Variants in TRAF3IP1 observed in about 807,000 individuals in gnomAD.
The protein encoded by TRAF3IP1 is intraflagellar transport 54.
Under a neutral mutation model 89.9 loss-of-function variants are expected in TRAF3IP1, and 53 were observed. That is an observed-to-expected ratio of 0.59 (90% CI 0.47 to 0.74). TRAF3IP1 has a LOEUF of 0.74. TRAF3IP1 is among the 30% of genes least tolerant of loss of function. The pLI is 0.00. For missense variants in TRAF3IP1, 806 were observed against 866.1 expected (o/e 0.93, Z 0.87); for synonymous variants, 311 against 322.1 (o/e 0.97, Z 0.37).
At position 238,320,566 on chromosome 2, in the gene TRAF3IP1, G is replaced by GCGGCGGCGGCGGGGC. The variant is rs1452916838; in HGVS notation, c.-86_-72dup. On this transcript the variant is annotated 5_prime_UTR_variant, in exon 1 of 17. Coordinates refer to ENST00000373327, the MANE Select transcript of TRAF3IP1 (RefSeq NM_015650.4). ...CGGCGCGTCCTGGCAGGACCGGGCG[G>GCGGCGGCGGCGGGGC]CGGCGGCGGCGGGGCCGGCGGCGGC... 6 of 1,042,284 alleles carry GCGGCGGCGGCGGGGC rather than the reference G, an allele frequency of 5.8e-6. No individual in the cohort carries two copies. Among genetic ancestry groups the GCGGCGGCGGCGGGGC allele is most frequent in the East Asian group, 1.7e-4 (2 of 11,438 alleles). The allele number at this position is 1,042,284 out of a possible 1,614,324, so 64.6% of individuals were successfully genotyped here.
intron 9 of TRAF3IP1, among the ~76,000 whole-genome samples, chr2:238,344,903 G>C (rs532112064): frequency 1.3e-5 from 2 of 152,266 alleles, no homozygotes; most frequent in South Asian, 2.1e-4. Flanking sequence ...TACTTGGAGA[G>C]CCCCACCAGT....
chr2:238,331,579 G>A (rs1204533653), intron 5 of TRAF3IP1, among the ~76,000 whole-genome samples: 4 of 152,200 alleles, frequency 2.6e-5, no homozygotes, highest in Admixed American at 6.5e-5. Context: ...TGAGACCATG[G>A]CGAAGTGATT....
rs1236177357 is a variant in TRAF3IP1 at position 238,344,346 on chromosome 2, T to TA, written c.1160-147dup. ...AGGAACATTCTAGATGCATGTTTTC[T>TA]AAAAGCTGCCTTTGGTCAGTCCTTT... On this transcript the variant is annotated intron_variant, in intron 8 of 16. Coordinates refer to ENST00000373327, the MANE Select transcript of TRAF3IP1 (RefSeq NM_015650.4). 4 of 648,900 alleles carry TA rather than the reference T, an allele frequency of 6.2e-6. No homozygotes were observed. The East Asian group carries it at 1.1e-4, about 18-fold the overall frequency. The allele number at this position is 648,900 out of a possible 1,614,324, so 40.2% of individuals were successfully genotyped here. A position where few individuals can be genotyped will look rare whatever the true frequency, so the allele number is the denominator to read the frequency against.
intron 2 of TRAF3IP1, 57 bp from the exon 3 acceptor site, chr2:238,325,752 A>G (rs1697794212): frequency 1.3e-6 from 2 of 1,517,658 alleles, no homozygotes; most frequent in Admixed American, 3.6e-5. Flanking sequence ...CATACAGAAG[A>G]TAATGCACAC....
chr2:238,335,837 G>C (rs572962042), intron 7 of TRAF3IP1, among the ~76,000 whole-genome samples: 1 of 151,158 alleles, frequency 6.6e-6, no homozygotes, highest in Non-Finnish European at 1.5e-5. Context: ...GTCTCACTCT[G>C]TTGCCAGACT....
At chr2:238,332,127 A>G (rs905288947) in intron 5 of TRAF3IP1, among the ~76,000 whole-genome samples, 2 of 152,196 alleles carry the variant, frequency 1.3e-5, no homozygotes, top group African/African-American at 4.8e-5. Flanking sequence ...TACTGCTGAT[A>G]CAATCTGATA....
chr2:238,381,673 C>T (rs902667369), intron 15 of TRAF3IP1, among the ~76,000 whole-genome samples: 1 of 152,110 alleles, frequency 6.6e-6, no homozygotes, highest in Non-Finnish European at 1.5e-5. Flanking sequence ...ATGGGATCCT[C>T]GAAAATGGGT....
At chr2:238,324,780 T>G (rs745912808) in intron 1 of TRAF3IP1, among the ~76,000 whole-genome samples, 3 of 151,794 alleles carry the variant, frequency 2.0e-5, no homozygotes, top group African/African-American at 7.3e-5. Context: ...ATTTTTGTAT[T>G]TTTAGTGGAG....
intron 14 of TRAF3IP1, among the ~76,000 whole-genome samples, chr2:238,354,173 A>T (rs974916934): frequency 6.6e-6 from 1 of 152,112 alleles, no homozygotes; most frequent in Non-Finnish European, 1.5e-5. Context: ...AGGGGAGCCT[A>T]TTGGAGTTAT....
chr2:238,345,445 G>C lies in TRAF3IP1; in HGVS notation c.1261+847G>C, dbSNP rs191655368. Among the ~76,000 whole-genome samples the C allele has an allele frequency of 3.9e-3, 597 of 152,338 alleles. 3 individuals carry two copies. The highest frequency in any genetic ancestry group is 0.013 in the African/African-American group (550 of 41,584). ...TAAACCAAGATCCCGGCTGGGATGC[G>C]ACTGCAGCAGGGCTGGCTCAGCCCA... is the stretch of plus-strand genomic sequence containing the variant. On this transcript the variant is annotated intron_variant, in intron 9 of 16. Coordinates refer to ENST00000373327, the MANE Select transcript of TRAF3IP1 (RefSeq NM_015650.4). This position sits in a 1 kb window ranked among gnomAD's most constrained non-coding sequence, Gnocchi z 4.7.
chr2:238,369,363 G>A (rs774262214), intron 15 of TRAF3IP1, among the ~76,000 whole-genome samples: 4 of 152,180 alleles, frequency 2.6e-5, no homozygotes, highest in Non-Finnish European at 5.9e-5. Context: ...AAAGTGGAGC[G>A]CGTTCCACTG....
chr2:238,357,265 C>T (rs1461179652), intron 15 of TRAF3IP1, among the ~76,000 whole-genome samples: 1 of 152,182 alleles, frequency 6.6e-6, no homozygotes, highest in Admixed American at 6.5e-5. Context: ...TCAAATGCCA[C>T]AGCCAGGTTT....
chr2:238,322,983 G>C (rs1697633196), intron 1 of TRAF3IP1, among the ~76,000 whole-genome samples: 1 of 152,016 alleles, frequency 6.6e-6, no homozygotes, highest in Admixed American at 6.6e-5. Context: ...TGCTATATTA[G>C]TATTTTAGCT....
At chr2:238,371,690 A>G (rs1307114775) in intron 15 of TRAF3IP1, among the ~76,000 whole-genome samples, 1 of 152,280 alleles carries the variant, frequency 6.6e-6, no homozygotes, top group East Asian at 1.9e-4. Flanking sequence ...TATCCTAAGT[A>G]TAAAACACAC....
chr2:238,330,273 A>G (rs573808122), intron 5 of TRAF3IP1, among the ~76,000 whole-genome samples: 2 of 152,310 alleles, frequency 1.3e-5, no homozygotes, highest in East Asian at 3.9e-4. Context: ...GTTTACTGTA[A>G]TTATTGTTTA....
chr2:238,354,714 G>A (rs769416691), intron 14 of TRAF3IP1, among the ~76,000 whole-genome samples: 12 of 151,984 alleles, frequency 7.9e-5, no homozygotes, highest in Non-Finnish European at 1.6e-4. Context: ...GCAGTGGCGC[G>A]ATCTTGGCTC....
rs539437262 is a variant in TRAF3IP1, at chr2:238,349,160, C to T, written c.1368-165C>T. 4.6e-5 allele frequency among the ~76,000 whole-genome samples: 7 copies of T among 152,260 alleles called. No individual in the cohort carries two copies. In the South Asian group the frequency reaches 1.0e-3, roughly 23 times the overall value. ...GAAAGATGGACACTTTCTGATTGGT[C>T]GGGTTACTGGGACGTTCCTCCTCTT... On this transcript the variant is annotated intron_variant, in intron 11 of 16. Transcript: ENST00000373327.
chr2:238,323,152 C>T (rs998402581), intron 1 of TRAF3IP1, among the ~76,000 whole-genome samples: 1 of 151,580 alleles, frequency 6.6e-6, no homozygotes, highest in Non-Finnish European at 1.5e-5. Context: ...AGTCTCCACT[C>T]ACTGCAACTT....
At position 238,328,960 on chromosome 2, in the gene TRAF3IP1, C is replaced by A. The variant is rs145844010; in HGVS notation, c.533C>A (p.Thr178Lys). ...RGDAEIKERS[T>K]SRDRKQKEEL... Reference sequence around the variant, plus strand: ...GACGCTGAAATAAAAGAGAGAAGTACAAGCAGAGATCGAAAACAGAAGGAA... The same window carrying A: ...GACGCTGAAATAAAAGAGAGAAGTAAAAGCAGAGATCGAAAACAGAAGGAA... Residue 178 changes from threonine to lysine, a missense_variant, in exon 5 of 17, where the codon ACA (threonine) becomes AAA (lysine). Coordinates refer to ENST00000373327, the MANE Select transcript of TRAF3IP1 (RefSeq NM_015650.4). 1 of 1,556,496 alleles carries A rather than the reference C, an allele frequency of 6.4e-7. No homozygotes were observed. Among genetic ancestry groups the A allele is most frequent in the Non-Finnish European group, 8.7e-7 (1 of 1,150,954 alleles).
Sources: allele counts gnomAD v4.1 joint callset (sites outside exome capture counted in the v4.1 genomes callset), GRCh38; gene constraint gnomAD v4.1.1; non-coding constraint Gnocchi (gnomAD v3.1); transcripts MANE v1.5; gene names NCBI Gene and HGNC (gene_info 2026-07-23, HGNC 2026-07-21).